The following DIAPH2 variants were observed in gnomAD, a reference collection of about 807,000 sequenced individuals.
DIAPH2 encodes the protein diaphanous related formin 2.
DIAPH2 carries 35 observed loss-of-function variants against 92.7 expected under a neutral mutation model. The ratio of observed to expected loss-of-function variants is 0.38; its 90% CI spans 0.29 to 0.50. DIAPH2 has a LOEUF of 0.50. Ranked by LOEUF, DIAPH2 falls within the 20% of genes least tolerant of loss-of-function variation. DIAPH2 has a pLI of 0.94. For synonymous variants in DIAPH2, 301 were observed against 280.4 expected, an observed-to-expected ratio of 1.07 and a Z score of -0.73; for missense variants, 701 against 819.5, an observed-to-expected ratio of 0.86 and a Z score of 1.77.
At chrX:97,563,515 C>T (rs1327085414) in intron 26 of DIAPH2, among the ~76,000 whole-genome samples, 1 of 111,326 alleles carries the variant, frequency 9.0e-6, no homozygotes, top group East Asian at 2.8e-4. Flanking sequence ...CAGCTCCATA[C>T]GTTATCAGTT....
At position 97,191,756 on chromosome X, in the gene DIAPH2, C is replaced by T. The variant is rs138866591; in HGVS notation, c.2719+49962C>T. 3.5e-3 allele frequency among the ~76,000 whole-genome samples: 393 copies of T among 111,333 alleles called. 1 individual carries two copies. Among genetic ancestry groups the T allele is most frequent in the African/African-American group, 0.012 (377 of 30,633 alleles). On this transcript the variant is annotated intron_variant, in intron 22 of 26. Coordinates refer to ENST00000324765, the MANE Select transcript of DIAPH2 (RefSeq NM_006729.5). ...GCTTAATTTTTGATTTCCATAATAT[C>T]GTCAGTTTATACTTAAATCTTAGGG... is the stretch of plus-strand genomic sequence containing the variant.
At chrX:96,745,246 T>C (rs891322370) in intron 3 of DIAPH2, among the ~76,000 whole-genome samples, 1 of 111,362 alleles carries the variant, frequency 9.0e-6, no homozygotes, top group South Asian at 3.8e-4. Context: ...CCTCAGGTGA[T>C]CTGCCAGCCT....
intron 21 of DIAPH2, among the ~76,000 whole-genome samples, chrX:97,135,830 G>C (rs960427816): frequency 3.6e-5 from 4 of 111,852 alleles, no homozygotes; most frequent in African/African-American, 1.3e-4. Context: ...GCACATGATA[G>C]ATAGGCAACA....
chrX:97,423,835 CA>C (rs1386293001), intron 25 of DIAPH2, among the ~76,000 whole-genome samples: 2 of 111,335 alleles, frequency 1.8e-5, no homozygotes, highest in Non-Finnish European at 3.8e-5. Flanking sequence ...TGCACGTGTT[CA>C]ATAAAGTTTT....
intron 11 of DIAPH2, 130 bp from the exon 12 acceptor site, chrX:96,939,136 A>G (rs1222081633): frequency 1.3e-5 from 5 of 377,597 alleles, no homozygotes; most frequent in Non-Finnish European, 2.4e-5. Flanking sequence ...TAAATACTGG[A>G]TCATAGAGTT....
chrX:96,820,786 C>T (rs1445955806), intron 4 of DIAPH2, among the ~76,000 whole-genome samples: 1 of 111,580 alleles, frequency 9.0e-6, no homozygotes, highest in Non-Finnish European at 1.9e-5. Flanking sequence ...ACTAAGGAAG[C>T]AAGACAGTGA....
intron 15 of DIAPH2, chrX:96,953,989 G>C (rs1291107227): frequency 9.0e-6 from 1 of 111,726 alleles, no homozygotes; most frequent in African/African-American, 3.3e-5. Context: ...TAGAATTTCA[G>C]TAAATTAAAA....
In DIAPH2 at chrX:97,081,502, G is replaced by A. The variant is rs112085588; in HGVS notation, c.2247+6241G>A. ...TTTTTTCTTGTACTAATTGGATTGT[G>A]CAAAATGTTTTTAAAATATAAAAAA... On this transcript the variant is annotated intron_variant, in intron 19 of 26. Coordinates refer to ENST00000324765, the MANE Select transcript of DIAPH2 (RefSeq NM_006729.5). 7.6e-3 allele frequency among the ~76,000 whole-genome samples: 852 copies of A among 112,373 alleles called. 13 individuals are homozygous for A. Among genetic ancestry groups the A allele is most frequent in the African/African-American group, 0.026 (811 of 30,985 alleles).
At chrX:96,871,469 CAA>C (rs34852539) in intron 4 of DIAPH2, among the ~76,000 whole-genome samples, 6 of 28,820 alleles carry the variant, frequency 2.1e-4, no homozygotes, top group Admixed American at 1.2e-3. Context: ...GACTCCGTCT[CAA>C]AAAAAAAAAA....
intron 26 of DIAPH2, among the ~76,000 whole-genome samples, chrX:97,462,879 T>C (rs1198136458): frequency 9.0e-6 from 1 of 111,385 alleles, no homozygotes; most frequent in Non-Finnish European, 1.9e-5. Flanking sequence ...GAGAAGCATC[T>C]GGGACCTCCC....
intron 17 of DIAPH2, among the ~76,000 whole-genome samples, chrX:96,983,541 A>G (rs2066011406): frequency 8.9e-6 from 1 of 112,332 alleles, no homozygotes; most frequent in African/African-American, 3.2e-5. Flanking sequence ...ACTTTTGAAC[A>G]TGCTTTTTAA....
chrX:97,152,010 C>A (rs2067289279), intron 22 of DIAPH2, among the ~76,000 whole-genome samples: 1 of 111,493 alleles, frequency 9.0e-6, no homozygotes, highest in African/African-American at 3.3e-5. Flanking sequence ...CTGGATCATG[C>A]CCTGAATGGA....
chrX:97,410,608 C>A (rs770604041), intron 25 of DIAPH2, among the ~76,000 whole-genome samples: 1 of 112,044 alleles, frequency 8.9e-6, no homozygotes, highest in East Asian at 2.8e-4. Context: ...TAATAACAAA[C>A]TTCTCCGAGC....
Position 96,834,757 on chromosome X carries a change from C to T in DIAPH2, c.448-46822C>T, listed in dbSNP as rs1402754933. Among the ~76,000 whole-genome samples, 3 of 111,467 alleles carry T rather than the reference C, an allele frequency of 2.7e-5. No homozygotes were observed. In the East Asian group the frequency reaches 8.4e-4, roughly 31 times the overall value. ...GGATTTATGAGAAAAAAAATGTTAGCGGGGCCAAACAATGTAAATAAATAC... is the reference window on the plus strand; with the variant it reads ...GGATTTATGAGAAAAAAAATGTTAGTGGGGCCAAACAATGTAAATAAATAC... On this transcript the variant is annotated intron_variant, in intron 4 of 26. Coordinates refer to ENST00000324765, the MANE Select transcript of DIAPH2 (RefSeq NM_006729.5).
intron 22 of DIAPH2, among the ~76,000 whole-genome samples, chrX:97,163,489 C>T (rs1372498414): frequency 8.9e-6 from 1 of 112,176 alleles, no homozygotes; most frequent in East Asian, 2.8e-4. Context: ...CAGGCCTGGC[C>T]TAAGTTTTCA....
At chrX:97,346,241 G>A (rs1426649523) in intron 23 of DIAPH2, among the ~76,000 whole-genome samples, 1 of 111,541 alleles carries the variant, frequency 9.0e-6, no homozygotes, top group African/African-American at 3.3e-5. Flanking sequence ...CCTGATCTGG[G>A]GCCCCAGGAA....
intron 26 of DIAPH2, among the ~76,000 whole-genome samples, chrX:97,494,966 A>C (rs1437516377): frequency 8.9e-6 from 1 of 112,455 alleles, no homozygotes; most frequent in Non-Finnish European, 1.9e-5. Flanking sequence ...AATTGCCCTG[A>C]AACATCCAAG....
At chrX:97,185,688 C>G (rs927274819) in intron 22 of DIAPH2, among the ~76,000 whole-genome samples, 1 of 103,192 alleles carries the variant, frequency 9.7e-6, no homozygotes, top group South Asian at 4.5e-4. Flanking sequence ...TCTATGGTAC[C>G]TATGCATACT....
At chrX:96,739,643 G>T (rs5949450) in intron 3 of DIAPH2, among the ~76,000 whole-genome samples, 21,703 of 111,006 alleles carry the variant, frequency 0.2, 1,581 homozygotes, top group East Asian at 0.32. Flanking sequence ...AGTAGGCCTT[G>T]AATAAATATT....
Sources: gnomAD v4.1 joint callset for allele counts (sites outside exome capture counted in the v4.1 genomes callset) on GRCh38, gnomAD v4.1.1 for gene constraint, MANE v1.5 for transcripts, NCBI Gene and HGNC (gene_info 2026-07-23, HGNC 2026-07-21) for gene names.